The following VRK2 variants were observed in gnomAD, a reference collection of about 807,000 sequenced individuals.
VRK2 encodes the protein VRK serine/threonine kinase 2, also known as serine/threonine-protein kinase VRK2.
Under a neutral mutation model 57.6 loss-of-function variants are expected in VRK2, and 60 were observed. The observed-to-expected ratio is 1.04, with a 90% CI of 0.85 to 1.29. VRK2 has a LOEUF of 1.29. Among genes scored for constraint, VRK2 ranks in the 50% most tolerant of loss-of-function variants. The probability of loss-of-function intolerance (pLI) is 0.00; values close to 1 mark genes in which losing one functional copy is unlikely to be tolerated. For synonymous variants in VRK2, 231 were observed against 199.2 expected (o/e 1.16, Z -1.35); for missense variants, 705 against 588.1 (o/e 1.20, Z -2.06).
chr2:58,146,481 G>A lies in VRK2; in HGVS notation c.1182+7G>A. On this transcript the variant is annotated splice_region_variant and intron_variant, in intron 12 of 12. Transcript: ENST00000340157. ...GAACAATGAAGCAGCTCAGGTGAGA[G>A]GGTTGTTTGTGTGTGTTTTTTCTAA... 1 of 1,602,326 alleles carries A rather than the reference G, an allele frequency of 6.2e-7. No individual in the cohort carries two copies. The highest frequency in any genetic ancestry group is 8.5e-7 in the Non-Finnish European group (1 of 1,174,602).
At chr2:58,045,002 C>G (rs753511092), upstream of VRK2, among the ~76,000 whole-genome samples, 21 of 152,264 alleles carry the variant, frequency 1.4e-4, no homozygotes, top group South Asian at 6.2e-4. Context: ...AAACCCCCAA[C>G]AAAGAATTAT....
intron 12 of VRK2, among the ~76,000 whole-genome samples, chr2:58,152,977 A>T (rs1683283196): frequency 6.6e-6 from 1 of 152,018 alleles, no homozygotes; most frequent in African/African-American, 2.4e-5. Flanking sequence ...TAGATATTTT[A>T]TAACATGTAT....
In VRK2 at chr2:58,053,668, A is replaced by G. The variant is rs972491407; in HGVS notation, c.136+4701A>G. ...TGCAGAATAAAGTTTAGAAGAGCCC[A>G]GTGATAATACTAGCAACAAAGTAGT... On this transcript the variant is annotated intron_variant, in intron 2 of 12. Transcript: ENST00000340157. 3.3e-4 allele frequency among the ~76,000 whole-genome samples: 50 copies of G among 152,318 alleles called. 1 individual carries two copies. The highest frequency in any genetic ancestry group is 1.5e-3 in the Admixed American group (23 of 15,306).
chr2:58,087,428 G>T (rs1019685278), intron 5 of VRK2, among the ~76,000 whole-genome samples: 1 of 152,104 alleles, frequency 6.6e-6, no homozygotes, highest in Non-Finnish European at 1.5e-5. Flanking sequence ...GCCTTAGAAG[G>T]ATTTTGATGA....
intron 3 of VRK2, among the ~76,000 whole-genome samples, chr2:58,034,432 G>T (rs1430461537): frequency 6.6e-6 from 1 of 151,996 alleles, no homozygotes; most frequent in Non-Finnish European, 1.5e-5. Context: ...TTGCTCCCAT[G>T]ATCCTGCCTG....
At chr2:58,130,553 T>G (rs1679032242) in intron 8 of VRK2, among the ~76,000 whole-genome samples, 2 of 152,218 alleles carry the variant, frequency 1.3e-5, no homozygotes, top group African/African-American at 4.8e-5. Context: ...GCTAATCATG[T>G]CTTCTGCTTT....
In VRK2 at chr2:57,991,117, ATATT is replaced by A. The variant is rs934066039; in HGVS notation, c.-438-34544_-438-34541del. 8.0e-4 allele frequency among the ~76,000 whole-genome samples: 122 copies of A among 152,302 alleles called. 1 individual carries two copies. Among genetic ancestry groups the A allele is most frequent in the African/African-American group, 2.8e-3 (115 of 41,566 alleles). On this transcript the variant is annotated intron_variant, in intron 1 of 15. Transcript: ENST00000417641. The stretch of plus-strand genomic sequence containing the variant: ...TTTGCCTCTAATGTGAACAGATTCT[ATATT>A]TATCAGTGAACCCATGAGCAGTCTT...
chr2:58,062,530 AG>A (rs1234171104), intron 2 of VRK2, among the ~76,000 whole-genome samples: 1 of 152,106 alleles, frequency 6.6e-6, no homozygotes, highest in Non-Finnish European at 1.5e-5. Context: ...GTGAATGCAA[AG>A]GAAAAGTTCT....
chr2:58,053,778 G>A (rs1391895725), intron 2 of VRK2, among the ~76,000 whole-genome samples: 3 of 152,056 alleles, frequency 2.0e-5, no homozygotes, highest in African/African-American at 7.2e-5. Context: ...GAGATAAATA[G>A]CCTTATCTGA....
At chr2:57,992,541 T>G (rs1430530467) in intron 1 of VRK2, among the ~76,000 whole-genome samples, 2 of 152,224 alleles carry the variant, frequency 1.3e-5, no homozygotes, top group Non-Finnish European at 1.5e-5. Context: ...TGTTTCTTTT[T>G]TTTTTTGAGA....
At chr2:57,950,261 A>T (rs1057300102) in intron 1 of VRK2, among the ~76,000 whole-genome samples, 1 of 152,238 alleles carries the variant, frequency 6.6e-6, no homozygotes, top group African/African-American at 2.4e-5. Context: ...TCCATAGCTA[A>T]AGAGAAGAGG....
chr2:57,969,752 T>C (rs1222461827), intron 1 of VRK2, among the ~76,000 whole-genome samples: 2 of 152,142 alleles, frequency 1.3e-5, no homozygotes, highest in Non-Finnish European at 2.9e-5. Context: ...GCTGATTTCT[T>C]GTATTGCGGT....
chr2:57,943,532 CAA>C (rs1671163948), intron 1 of VRK2, among the ~76,000 whole-genome samples: 1 of 152,100 alleles, frequency 6.6e-6, no homozygotes, highest in African/African-American at 2.4e-5. Context: ...TCCCTAAGGA[CAA>C]AGTTTGCCAC....
intron 7 of VRK2, among the ~76,000 whole-genome samples, chr2:58,089,942 G>A (rs964741182): frequency 2.0e-5 from 3 of 152,100 alleles, no homozygotes; most frequent in African/African-American, 7.2e-5. Flanking sequence ...TATGTTAATG[G>A]GCACACAGTT....
intron 2 of VRK2, among the ~76,000 whole-genome samples, chr2:58,076,009 C>G (rs145509423): frequency 6.6e-6 from 1 of 151,712 alleles, no homozygotes; most frequent in Non-Finnish European, 1.5e-5. Context: ...CTTTTTTCTC[C>G]CCCTTAAGAA....
At chr2:57,916,381 G>A (rs1421541099) in intron 1 of VRK2, among the ~76,000 whole-genome samples, 3 of 149,148 alleles carry the variant, frequency 2.0e-5, no homozygotes, top group Non-Finnish European at 3.0e-5. Flanking sequence ...ACTCCAGCCT[G>A]GCAACAAGAG....
chr2:58,066,121 C>T (rs1424219746), intron 2 of VRK2, among the ~76,000 whole-genome samples: 2 of 152,148 alleles, frequency 1.3e-5, no homozygotes, highest in African/African-American at 4.8e-5. Context: ...CCTGCGCTGG[C>T]TAGGACTTAC....
At chr2:57,988,761 G>T (rs1672674771) in intron 1 of VRK2, among the ~76,000 whole-genome samples, 2 of 152,118 alleles carry the variant, frequency 1.3e-5, no homozygotes, top group South Asian at 4.1e-4. Flanking sequence ...CTTCAGATTT[G>T]AACTGAATTA....
At chr2:58,096,206 G>A (rs1573073543) in intron 7 of VRK2, among the ~76,000 whole-genome samples, 1 of 151,930 alleles carries the variant, frequency 6.6e-6, no homozygotes, top group East Asian at 1.9e-4. Context: ...ATTTCATATT[G>A]ATATTCGTAA....
Sources: allele counts gnomAD v4.1 joint callset (sites outside exome capture counted in the v4.1 genomes callset), GRCh38; gene constraint gnomAD v4.1.1; transcripts MANE v1.5; gene names NCBI Gene and HGNC (gene_info 2026-07-23, HGNC 2026-07-21).